Variants in MOCOS observed in about 807,000 individuals in gnomAD.
MOCOS encodes the protein molybdenum cofactor sulfurase.
A neutral mutation model predicts 83.6 loss-of-function variants in MOCOS; 86 were observed. The observed-to-expected ratio is 1.03, with a 90% CI of 0.86 to 1.23. MOCOS has a LOEUF of 1.23. Ranked by LOEUF, MOCOS falls within the 50% of genes most tolerant of loss-of-function variation. The pLI is 0.00. For synonymous variants in MOCOS, 445 were observed against 434.7 expected (o/e 1.02, Z -0.29); for missense variants, 1,120 against 1,126.9 (o/e 0.99, Z 0.09).
Position 36,251,249 on chromosome 18 carries a change from C to T in MOCOS, c.2130C>T (p.Asn710=), listed in dbSNP as rs750474782. 5.6e-6 allele frequency: 9 copies of T among 1,614,074 alleles called. No individual in the cohort carries two copies. In the South Asian group the frequency reaches 8.8e-5, roughly 16 times the overall value. The change falls in exon 11 of 15, where the codon AAC becomes AAT. Residue 710 remains asparagine (N), a synonymous_variant. Coordinates refer to ENST00000261326, the MANE Select transcript of MOCOS (RefSeq NM_017947.4). ...GTCATTTGATCAAACAAAGTTCAAA[C>T]TCTCAAAGGAATGCAAAGAAGAAAC... ...RPCHLIKQSS[N]SQRNAKKKHG...
chr18:36,198,577 T>C, intron 2 of MOCOS, 113 bp from the exon 3 acceptor site: 1 of 977,574 alleles, frequency 1.0e-6, no homozygotes, highest in Non-Finnish European at 1.6e-6. Context: ...TGTTAGGTGA[T>C]ATGGTAGTTT....
intron 6 of MOCOS, among the ~76,000 whole-genome samples, chr18:36,209,961 C>T (rs80275660): frequency 0.057 from 8,704 of 152,206 alleles, 382 homozygotes; most frequent in East Asian, 0.21. Flanking sequence ...ACCTTGGCCT[C>T]CCAAGGTGCT....
At chr18:36,231,018 A>G (rs117668324) in intron 9 of MOCOS, among the ~76,000 whole-genome samples, 163 of 152,276 alleles carry the variant, frequency 1.1e-3, no homozygotes, top group Middle Eastern at 3.4e-3. Flanking sequence ...TTTATTACCA[A>G]CTTGAGTGGA....
chr18:36,266,584 C>T (rs1046928550), intron 13 of MOCOS, among the ~76,000 whole-genome samples, 165 bp from the exon 14 acceptor site: 5 of 152,104 alleles, frequency 3.3e-5, no homozygotes, highest in African/African-American at 1.2e-4. Flanking sequence ...GGTCTTTTAG[C>T]TGACAAACAA....
intron 1 of MOCOS, among the ~76,000 whole-genome samples, chr18:36,191,617 C>T (rs913355805): frequency 6.6e-6 from 1 of 152,124 alleles, no homozygotes; most frequent in Admixed American, 6.6e-5. Flanking sequence ...CTATTTATTT[C>T]TATAGAGATG....
chr18:36,204,433 T>C (rs2091426690), intron 5 of MOCOS, among the ~76,000 whole-genome samples: 1 of 152,202 alleles, frequency 6.6e-6, no homozygotes, highest in African/African-American at 2.4e-5. Context: ...TAAACATTAA[T>C]AATAAAAACA....
intron 5 of MOCOS, 117 bp downstream of exon 5, chr18:36,203,306 T>A (rs1281313355): frequency 3.1e-6 from 3 of 953,374 alleles, no homozygotes; most frequent in African/African-American, 1.6e-5. Flanking sequence ...TGGCACTCCA[T>A]GTAGTTAAAT....
chr18:36,237,638 T>C (rs2091564544), intron 9 of MOCOS, among the ~76,000 whole-genome samples: 1 of 152,026 alleles, frequency 6.6e-6, no homozygotes, highest in South Asian at 2.1e-4. Flanking sequence ...AGAATGATGC[T>C]GGCCTCATAA....
At chr18:36,213,277 G>T in intron 6 of MOCOS, 89 bp from the exon 7 acceptor site, 1 of 972,236 alleles carries the variant, frequency 1.0e-6, no homozygotes, top group East Asian at 2.4e-5. Context: ...TTTATTATTA[G>T]GAAAGAGAGG....
At chr18:36,256,742 G>A in intron 11 of MOCOS, 1 of 476,942 alleles carries the variant, frequency 2.1e-6, no homozygotes, top group Non-Finnish European at 3.9e-6. Flanking sequence ...AGCCCTTATT[G>A]TTATTTTCTC....
At chr18:36,209,522 A>G (rs1308917712) in intron 6 of MOCOS, among the ~76,000 whole-genome samples, 1 of 150,230 alleles carries the variant, frequency 6.7e-6, no homozygotes, top group Non-Finnish European at 1.5e-5. Flanking sequence ...CCCAAAGTCC[A>G]TTATATCATT....
intron 9 of MOCOS, among the ~76,000 whole-genome samples, chr18:36,231,536 T>A (rs2091537675): frequency 6.6e-6 from 1 of 152,114 alleles, no homozygotes; most frequent in East Asian, 1.9e-4. Flanking sequence ...TGTGACATAG[T>A]AAGTTTTTTG....
At chr18:36,228,836 G>GAAA (rs34976015) in intron 9 of MOCOS, among the ~76,000 whole-genome samples, 2 of 116,414 alleles carry the variant, frequency 1.7e-5, no homozygotes, top group Non-Finnish European at 3.7e-5. Context: ...CTTAAAAGTT[G>GAAA]AAAAAAAAAA....
chr18:36,251,972 AT>A (rs1201118442), intron 11 of MOCOS, among the ~76,000 whole-genome samples: 3 of 151,886 alleles, frequency 2.0e-5, no homozygotes, highest in African/African-American at 7.3e-5. Flanking sequence ...TCAGTGGCAC[AT>A]TTTTTTCACA....
intron 5 of MOCOS, among the ~76,000 whole-genome samples, chr18:36,203,821 C>T (rs1192855160): frequency 1.3e-5 from 2 of 152,214 alleles, no homozygotes; most frequent in Non-Finnish European, 2.9e-5. Context: ...AAGAGAGGGT[C>T]GCCCTGATGG....
At chr18:36,257,196 A>G (rs983314986) in intron 12 of MOCOS, 123 bp downstream of exon 12, 1 of 869,234 alleles carries the variant, frequency 1.2e-6, no homozygotes, top group Non-Finnish European at 1.9e-6. Flanking sequence ...CTTCATGTAC[A>G]GATGAGAAAC....
intron 9 of MOCOS, among the ~76,000 whole-genome samples, chr18:36,246,393 C>G (rs1402785100): frequency 6.6e-6 from 1 of 151,936 alleles, no homozygotes; most frequent in Non-Finnish European, 1.5e-5. Flanking sequence ...TTGTTATTGC[C>G]TTTCTGGTTC....
At chr18:36,215,481 G>T (rs1403553252) in intron 7 of MOCOS, 35 bp from the exon 8 acceptor site, 1 of 1,592,166 alleles carries the variant, frequency 6.3e-7, no homozygotes, top group Non-Finnish European at 8.6e-7. Flanking sequence ...TGAGAAAGGG[G>T]TCACTCTGGC....
chr18:36,216,557 T>C (rs1287537047), intron 8 of MOCOS, among the ~76,000 whole-genome samples: 21 of 152,218 alleles, frequency 1.4e-4, no homozygotes, highest in Non-Finnish European at 3.1e-4. Context: ...AGCGAATAAA[T>C]AGAGAAGAAG....
Sources: allele counts gnomAD v4.1 joint callset (sites outside exome capture counted in the v4.1 genomes callset), GRCh38; gene constraint gnomAD v4.1.1; transcripts MANE v1.5; gene names NCBI Gene and HGNC (gene_info 2026-07-23, HGNC 2026-07-21).